ANKRD62: variants seen among roughly 807,000 people sequenced by gnomAD.
ANKRD62 encodes the protein ankyrin repeat domain-containing protein 62.
ANKRD62 carries 61 observed loss-of-function variants against 98.8 expected under a neutral mutation model. The ratio of observed to expected loss-of-function variants is 0.62; its 90% confidence interval spans 0.50 to 0.76. ANKRD62 has a LOEUF of 0.76. Ranked by LOEUF, ANKRD62 falls within the 30% of genes least tolerant of loss-of-function variation. The pLI, the probability that ANKRD62 is intolerant of heterozygous loss-of-function variation, is 0.00. For missense variants in ANKRD62, 933 were observed against 1,082.9 expected, an observed-to-expected ratio of 0.86 and a Z score of 1.94; for synonymous variants, 341 against 367.9, an observed-to-expected ratio of 0.93 and a Z score of 0.84.
chr18:12,145,360 CCA>C, the ANKRD62 span, among the ~76,000 whole-genome samples: 2 of 152,318 alleles, frequency 1.3e-5, no homozygotes, highest in South Asian at 4.1e-4. Flanking sequence ...AGATGTCAGC[CCA>C]TTTCTCCTTC....
At chr18:12,167,139 T>C in the ANKRD62 span, among the ~76,000 whole-genome samples, 1 of 151,924 alleles carries the variant, frequency 6.6e-6, no homozygotes, top group Non-Finnish European at 1.5e-5. Context: ...TTAAATTTTA[T>C]TTTTTCTTTA....
At chr18:12,119,137 G>T (rs1909730755) in intron 10 of ANKRD62, among the ~76,000 whole-genome samples, 1 of 151,322 alleles carries the variant, frequency 6.6e-6, no homozygotes, top group African/African-American at 2.4e-5. Context: ...TAAGGAATTT[G>T]TTAATTTTAT....
chr18:12,167,887 A>G, the ANKRD62 span, among the ~76,000 whole-genome samples: 1 of 152,150 alleles, frequency 6.6e-6, no homozygotes, highest in African/African-American at 2.4e-5. Flanking sequence ...GCCAGTCATG[A>G]TGAGCATTTT....
chr18:12,131,736 AGT>A (rs59080091), downstream of ANKRD62, among the ~76,000 whole-genome samples: 3,298 of 148,588 alleles, frequency 0.022, 88 homozygotes, highest in African/African-American at 0.07. Context: ...TGTATGTGTG[AGT>A]GTGTGTGTGT....
chr18:12,152,389 G>T, the ANKRD62 span, among the ~76,000 whole-genome samples: 1 of 152,220 alleles, frequency 6.6e-6, no homozygotes, highest in African/African-American at 2.4e-5. Context: ...AATCCACCAC[G>T]ATCAAGTAGG....
At chr18:12,115,265 G>T in intron 9 of ANKRD62, 128 bp from the exon 10 acceptor site, 1 of 1,276,392 alleles carries the variant, frequency 7.8e-7, no homozygotes, top group Non-Finnish European at 1.0e-6. Context: ...TTTAACCAAA[G>T]TCAGTTATTT....
the ANKRD62 span, among the ~76,000 whole-genome samples, chr18:12,155,610 A>G: frequency 6.6e-6 from 1 of 152,218 alleles, no homozygotes; most frequent in Non-Finnish European, 1.5e-5. Context: ...GCCTAGGTGT[A>G]CAAAGTTCCC....
At chr18:12,101,727 A>G (rs1174751252) in intron 6 of ANKRD62, among the ~76,000 whole-genome samples, 1 of 152,162 alleles carries the variant, frequency 6.6e-6, no homozygotes, top group Non-Finnish European at 1.5e-5. Context: ...ATGTTTAGTT[A>G]TACTGTGACT....
intron 10 of ANKRD62, among the ~76,000 whole-genome samples, chr18:12,121,928 C>G (rs1376895197): frequency 6.6e-6 from 1 of 152,152 alleles, no homozygotes; most frequent in African/African-American, 2.4e-5. Context: ...TTGCTTCCTC[C>G]TTTGCTCAAC....
intron 8 of ANKRD62, among the ~76,000 whole-genome samples, chr18:12,111,986 T>C (rs975367355): frequency 2.0e-5 from 3 of 151,892 alleles, no homozygotes; most frequent in Non-Finnish European, 4.4e-5. Context: ...GGCAGGCACC[T>C]GTAATCTCAG....
Position 12,094,211 on chromosome 18 carries a change from T to G in ANKRD62, c.194T>G (p.Leu65Trp). The change falls in exon 1 of 14, where the codon TTG (leucine) becomes TGG (tryptophan). Residue 65 changes from leucine (L) to tryptophan (W), a missense_variant. Coordinates refer to ENST00000587848, the MANE Select transcript of ANKRD62 (RefSeq NM_001277333.2). Reference protein sequence around the residue: ...MESILLRLNDLNDRDKKNRTA... With the variant: ...MESILLRLNDWNDRDKKNRTA... ...AGCATCTTGCTCAGGCTGAATGACT[T>G]GAACGACAGGGACAAGAAGAACAGG... 6.5e-7 allele frequency: 1 copy of G among 1,528,762 alleles called. No individual in the cohort carries two copies. Among genetic ancestry groups the G allele is most frequent in the Non-Finnish European group, 8.7e-7 (1 of 1,145,424 alleles). The allele number at this position is 1,528,762 out of a possible 1,614,324, so 94.7% of individuals were successfully genotyped here. A position where few individuals can be genotyped will look rare whatever the true frequency, so the allele number is the denominator to read the frequency against.
In ANKRD62 at chr18:12,097,652, A is replaced by C; in HGVS notation, c.627A>C (p.Ile209=). 6.5e-7 allele frequency: 1 copy of C among 1,535,062 alleles called. No individual in the cohort carries two copies. The highest frequency in any genetic ancestry group is 8.7e-7 in the Non-Finnish European group (1 of 1,146,418). Reference sequence around the variant, plus strand: ...TTTCTTATTTTAGAACAGCCCTGATACTTGCTGCTCGTAATGGATCAACAA... The same window carrying C: ...TTTCTTATTTTAGAACAGCCCTGATCCTTGCTGCTCGTAATGGATCAACAA... ...AIDNFGRTAL[I]LAARNGSTSV... The change falls in exon 5 of 14, where the codon ATA becomes ATC. Residue 209 remains isoleucine (I), a synonymous_variant. Coordinates refer to ENST00000587848, the MANE Select transcript of ANKRD62 (RefSeq NM_001277333.2).
Position 12,097,674 on chromosome 18 carries a change from A to T in ANKRD62, c.649A>T (p.Thr217Ser). ...ALILAARNGS[T>S]SVVYQLLQHN... The stretch of plus-strand genomic sequence containing the variant: ...GATACTTGCTGCTCGTAATGGATCA[A>T]CAAGTGTAGTCTACCAGCTTCTTCA... Residue 217 changes from threonine to serine, a missense_variant, in exon 5 of 14, where the codon ACA becomes TCA. Coordinates refer to ENST00000587848, the MANE Select transcript of ANKRD62 (RefSeq NM_001277333.2). The T allele has an allele frequency of 1.3e-6, 2 of 1,536,002 alleles. No individual in the cohort carries two copies. Among genetic ancestry groups the T allele is most frequent in the Non-Finnish European group, 1.7e-6 (2 of 1,146,732 alleles).
the ANKRD62 span, among the ~76,000 whole-genome samples, chr18:12,157,347 A>T: frequency 6.6e-6 from 1 of 152,190 alleles, no homozygotes; most frequent in South Asian, 2.1e-4. Context: ...TTCATCACTC[A>T]GAGTGACCCC....
chr18:12,141,000 A>T, the ANKRD62 span, among the ~76,000 whole-genome samples: 4 of 152,182 alleles, frequency 2.6e-5, no homozygotes, highest in African/African-American at 9.7e-5. Context: ...GGTGGGCTCC[A>T]CCCAGTTCGA....
chr18:12,152,390 A>G, the ANKRD62 span, among the ~76,000 whole-genome samples: 114 of 152,322 alleles, frequency 7.5e-4, no homozygotes, highest in South Asian at 4.4e-3. Flanking sequence ...ATCCACCACG[A>G]TCAAGTAGGC....
chr18:12,169,153 A>G, the ANKRD62 span, among the ~76,000 whole-genome samples: 2 of 152,314 alleles, frequency 1.3e-5, no homozygotes, highest in Middle Eastern at 6.8e-3. Flanking sequence ...TGCCCTGGCC[A>G]GGACTTCCAA....
At chr18:12,135,371 C>A in the ANKRD62 span, among the ~76,000 whole-genome samples, 1 of 151,218 alleles carries the variant, frequency 6.6e-6, no homozygotes, top group African/African-American at 2.5e-5. Flanking sequence ...AGGACATGAA[C>A]TCATCATTTT....
chr18:12,138,110 C>A, the ANKRD62 span, among the ~76,000 whole-genome samples: 1 of 152,094 alleles, frequency 6.6e-6, no homozygotes, highest in South Asian at 2.1e-4. Flanking sequence ...TTTGCTCTTG[C>A]TTCTCTAGTT....
Sources: allele counts gnomAD v4.1 joint callset (sites outside exome capture counted in the v4.1 genomes callset), GRCh38; gene constraint gnomAD v4.1.1; transcripts MANE v1.5; gene names NCBI Gene and HGNC (gene_info 2026-07-23, HGNC 2026-07-21).